The following DACH1 variants were observed in gnomAD, a reference collection of about 807,000 sequenced individuals.
DACH1 encodes the protein dachshund family transcription factor 1, also known as dachshund homolog 1.
In DACH1, 12 loss-of-function variants were observed where a neutral mutation model predicts 54.2. The ratio of observed to expected loss-of-function variants is 0.22; its 90% CI spans 0.14 to 0.36. The LOEUF is 0.36. Among genes scored for constraint, DACH1 ranks in the 10% least tolerant of loss-of-function variants. The probability of loss-of-function intolerance (pLI) is 1.00; values close to 1 mark genes in which losing one functional copy is unlikely to be tolerated. For synonymous variants in DACH1, 386 were observed against 366.2 expected, an observed-to-expected ratio of 1.05 and a Z score of -0.62; for missense variants, 805 against 929.8, an observed-to-expected ratio of 0.87 and a Z score of 1.75.
chr13:71,659,080 C>T (rs1309059849), intron 2 of DACH1, among the ~76,000 whole-genome samples: 4 of 151,966 alleles, frequency 2.6e-5, no homozygotes, highest in Admixed American at 2.6e-4. Flanking sequence ...GAAGTCACTA[C>T]CTCTTTGTAT....
chr13:71,570,887 C>G (rs1314810506), intron 4 of DACH1, among the ~76,000 whole-genome samples: 1 of 152,050 alleles, frequency 6.6e-6, no homozygotes, highest in Non-Finnish European at 1.5e-5. Flanking sequence ...AAAGGAGATC[C>G]CCTAAGTATT....
chr13:71,810,322 C>A (rs76759318), intron 1 of DACH1, among the ~76,000 whole-genome samples: 5,432 of 152,164 alleles, frequency 0.036, 303 homozygotes, highest in African/African-American at 0.12. Flanking sequence ...AGTGTCCTTA[C>A]TATCACACTA....
chr13:71,835,199 A>G (rs2138217865), intron 1 of DACH1, among the ~76,000 whole-genome samples: 1 of 152,174 alleles, frequency 6.6e-6, no homozygotes, highest in South Asian at 2.1e-4. Context: ...GTCTGTTAGA[A>G]AAGAAACCGG....
intron 6 of DACH1, among the ~76,000 whole-genome samples, chr13:71,511,739 A>G: frequency 6.6e-6 from 1 of 150,646 alleles, no homozygotes; most frequent in South Asian, 2.1e-4. Flanking sequence ...TAAAATTATA[A>G]TGATTACCTT....
At chr13:71,723,678 T>G (rs1883338298) in intron 1 of DACH1, among the ~76,000 whole-genome samples, 1 of 151,820 alleles carries the variant, frequency 6.6e-6, no homozygotes, top group Admixed American at 6.6e-5. Context: ...ATTATTGTTT[T>G]GCTTTTTTGT....
intron 1 of DACH1, among the ~76,000 whole-genome samples, chr13:71,743,991 G>A (rs535087127): frequency 3.9e-5 from 6 of 152,068 alleles, no homozygotes; most frequent in Non-Finnish European, 8.8e-5. Context: ...TACTTTTTTG[G>A]TTCTCATGCC....
intron 3 of DACH1, among the ~76,000 whole-genome samples, chr13:71,612,595 C>A (rs1213585873): frequency 6.6e-6 from 1 of 151,912 alleles, no homozygotes; most frequent in African/African-American, 2.4e-5. Flanking sequence ...TAATGTCAAG[C>A]AAAAAACGAT....
At chr13:71,825,354 A>G (rs1327711204) in intron 1 of DACH1, among the ~76,000 whole-genome samples, 3 of 152,146 alleles carry the variant, frequency 2.0e-5, no homozygotes, top group Non-Finnish European at 4.4e-5. Flanking sequence ...AATTTACAGT[A>G]TGCAATTCAA....
intron 2 of DACH1, among the ~76,000 whole-genome samples, chr13:71,654,013 G>A (rs1224066147): frequency 2.0e-5 from 3 of 152,174 alleles, no homozygotes; most frequent in Non-Finnish European, 2.9e-5. Flanking sequence ...TCTATAGTAT[G>A]TATGGGTGTG....
At chr13:71,828,740 T>C (rs1349008348) in intron 1 of DACH1, among the ~76,000 whole-genome samples, 2 of 151,972 alleles carry the variant, frequency 1.3e-5, no homozygotes, top group Non-Finnish European at 1.5e-5. Context: ...TCTTTCCTTT[T>C]AGCCTGCTGG....
chr13:71,856,533 A>G (rs951143597), intron 1 of DACH1, among the ~76,000 whole-genome samples: 9 of 151,974 alleles, frequency 5.9e-5, no homozygotes, highest in African/African-American at 2.2e-4. Flanking sequence ...GCAAAAAGTA[A>G]TGTGAAATAC....
chr13:71,674,931 A>C lies in DACH1; in HGVS notation c.964+6864T>G, dbSNP rs1880457749. ...CTCTCAAATATTTCCTAGATATATA[A>C]ATATATGAAAACACATACAAACGGT... On this transcript the variant is annotated intron_variant, in intron 2 of 10. Coordinates refer to ENST00000613252, the MANE Select transcript of DACH1 (RefSeq NM_080759.6). The C allele has an allele frequency of 7.9e-6, 5 of 631,556 alleles. No individual in the cohort carries two copies. In the South Asian group the frequency reaches 9.8e-5, roughly 12 times the overall value. 39.1% of individuals were successfully genotyped at this position (631,556 alleles called of 1,614,324 possible).
At chr13:71,467,423 A>G (rs1242869835) in intron 10 of DACH1, among the ~76,000 whole-genome samples, 1 of 151,142 alleles carries the variant, frequency 6.6e-6, no homozygotes, top group Non-Finnish European at 1.5e-5. Flanking sequence ...TGGGTGCAGC[A>G]CACCAGCATG....
At chr13:71,748,916 C>CT (rs1459004725) in intron 1 of DACH1, among the ~76,000 whole-genome samples, 1 of 38,848 alleles carries the variant, frequency 2.6e-5, no homozygotes, top group African/African-American at 5.9e-5. Context: ...TTCTTTCTTT[C>CT]TTTCTTTCTT....
At chr13:71,479,729 C>T (rs928881738) in intron 7 of DACH1, among the ~76,000 whole-genome samples, 4 of 152,100 alleles carry the variant, frequency 2.6e-5, no homozygotes, top group Non-Finnish European at 5.9e-5. Flanking sequence ...TCTGGCAGTG[C>T]TCACCTTTCT....
intron 2 of DACH1, among the ~76,000 whole-genome samples, chr13:71,669,496 C>T (rs1365197536): frequency 1.3e-5 from 2 of 152,030 alleles, no homozygotes; most frequent in Non-Finnish European, 2.9e-5. Context: ...TTATATATTA[C>T]AATGTAATAA....
intron 3 of DACH1, among the ~76,000 whole-genome samples, chr13:71,598,223 T>C (rs1874247306): frequency 2.0e-5 from 3 of 152,172 alleles, no homozygotes; most frequent in Admixed American, 2.0e-4. Flanking sequence ...AGACACAGTA[T>C]AAATATTTTG....
chr13:71,670,071 T>C (rs1300092337), intron 2 of DACH1, among the ~76,000 whole-genome samples: 2 of 151,578 alleles, frequency 1.3e-5, no homozygotes. Flanking sequence ...GAATTAGGTC[T>C]GTGGCAACTT....
chr13:71,730,103 T>C (rs982780127), intron 1 of DACH1, among the ~76,000 whole-genome samples: 1 of 151,964 alleles, frequency 6.6e-6, no homozygotes, highest in Non-Finnish European at 1.5e-5. Context: ...ACATGCTAGA[T>C]GACGAGTTAG....
Sources: gnomAD v4.1 joint callset for allele counts (sites outside exome capture counted in the v4.1 genomes callset) on GRCh38, gnomAD v4.1.1 for gene constraint, MANE v1.5 for transcripts, NCBI Gene and HGNC (gene_info 2026-07-23, HGNC 2026-07-21) for gene names.